The following ACVR1 variants were observed in gnomAD, a reference collection of about 807,000 sequenced individuals.
The protein encoded by ACVR1 is activin receptor type-1.
A neutral mutation model predicts 57.1 loss-of-function variants in ACVR1; 38 were observed. The observed-to-expected ratio is 0.67, with a 90% confidence interval of 0.51 to 0.87. ACVR1 has a LOEUF of 0.87. Among genes scored for constraint, ACVR1 ranks in the 40% least tolerant of loss-of-function variants. The probability of loss-of-function intolerance (pLI) is 0.00; values close to 1 mark genes in which losing one functional copy is unlikely to be tolerated. For missense variants in ACVR1, 463 were observed against 638.2 expected (o/e 0.73, Z 2.96); for synonymous variants, 212 against 228.1 (o/e 0.93, Z 0.63).
rs1684582843 is a variant in ACVR1, at chr2:157,737,604, A to ATAC, written c.1456_1457insGTA (p.Leu486delinsArgIle). ...AGTCTTTTTGATACGCAGTGCTGTG[A>ATAC]GTCTTGCGGATGGATTTTGATACCA... On this transcript the variant is annotated protein_altering_variant, in exon 11 of 11. Transcript: ENST00000434821. The ATAC allele has an allele frequency of 6.2e-7, 1 of 1,613,970 alleles. No individual in the cohort carries two copies. Among genetic ancestry groups the ATAC allele is most frequent in the South Asian group, 1.1e-5 (1 of 91,074 alleles).
intron 1 of ACVR1, among the ~76,000 whole-genome samples, chr2:157,846,532 G>T (rs1689130880): frequency 6.6e-6 from 1 of 152,152 alleles, no homozygotes; most frequent in African/African-American, 2.4e-5. Context: ...TAACTCAGAT[G>T]CTTCAGACCT....
chr2:157,780,334 A>G lies in ACVR1; in HGVS notation c.331+3T>C. ...ATCTAGAAATAGAAAAGTCCATGGGAACCTTTAGTGGGCAGCTGGGCCGTG... is the reference window on the plus strand; with the variant it reads ...ATCTAGAAATAGAAAAGTCCATGGGGACCTTTAGTGGGCAGCTGGGCCGTG... On this transcript the variant is annotated splice_donor_region_variant and intron_variant, in intron 4 of 10. Transcript: ENST00000434821. The G allele has an allele frequency of 1.2e-6, 2 of 1,614,198 alleles. No individual in the cohort carries two copies. The highest frequency in any genetic ancestry group is 1.7e-6 in the Non-Finnish European group (2 of 1,180,024).
At chr2:157,802,587 T>A (rs1687365029) in intron 2 of ACVR1, among the ~76,000 whole-genome samples, 1 of 152,166 alleles carries the variant, frequency 6.6e-6, no homozygotes, top group Admixed American at 6.5e-5. Context: ...ATGCTCCCTA[T>A]GATTGGGCCC....
At chr2:157,861,616 AACCACCATTTC>A (rs1193507465) in intron 1 of ACVR1, among the ~76,000 whole-genome samples, 2 of 152,244 alleles carry the variant, frequency 1.3e-5, no homozygotes, top group Non-Finnish European at 2.9e-5. Context: ...GTAGGAAATG[AACCACCATTTC>A]ACCTCTAAAT....
At chr2:157,853,807 T>C (rs1689409445) in intron 1 of ACVR1, among the ~76,000 whole-genome samples, 1 of 152,252 alleles carries the variant, frequency 6.6e-6, no homozygotes. Flanking sequence ...GCTGGTACTA[T>C]GCTCTTCTTA....
At chr2:157,771,887 C>A (rs76516301) in intron 6 of ACVR1, among the ~76,000 whole-genome samples, 3,684 of 152,266 alleles carry the variant, frequency 0.024, 152 homozygotes, top group African/African-American at 0.083. Context: ...AATTTGCCAG[C>A]ATTTATAGCT....
Position 157,799,479 on chromosome 2 carries a change from C to T in ACVR1, c.15G>A (p.Val5=). ...TCATGATAAGCACAGGAAGAATCAT[C>T]ACTCCATCTACCATTGTACAACTGT... MVDG[V]MILPVLIMIA... Residue 5 remains valine, a synonymous_variant, in exon 3 of 11, where the codon GTG becomes GTA. Transcript: ENST00000434821. The T allele has an allele frequency of 6.2e-7, 1 of 1,611,468 alleles. No individual in the cohort carries two copies. Among genetic ancestry groups the T allele is most frequent in the Non-Finnish European group, 8.5e-7 (1 of 1,178,118 alleles).
chr2:157,750,326 T>A (rs1488648699), intron 9 of ACVR1, among the ~76,000 whole-genome samples: 1 of 152,178 alleles, frequency 6.6e-6, no homozygotes, highest in Admixed American at 6.5e-5. Flanking sequence ...TGCATTCGAT[T>A]CCATTGGTGC....
chr2:157,800,355 C>T (rs768548448), intron 2 of ACVR1, among the ~76,000 whole-genome samples: 1 of 151,970 alleles, frequency 6.6e-6, no homozygotes, highest in Non-Finnish European at 1.5e-5. Context: ...AGGCTGGGTG[C>T]GGTGGCTCAC....
chr2:157,843,509 T>A (rs1689037817), intron 1 of ACVR1, among the ~76,000 whole-genome samples: 1 of 152,130 alleles, frequency 6.6e-6, no homozygotes, highest in South Asian at 2.1e-4. Flanking sequence ...ATTACACAGG[T>A]GATAAAACTG....
chr2:157,767,542 A>T (rs981782313), intron 7 of ACVR1, among the ~76,000 whole-genome samples: 1 of 152,200 alleles, frequency 6.6e-6, no homozygotes, highest in Non-Finnish European at 1.5e-5. Flanking sequence ...TGAGAAAAAA[A>T]ATTTTTTAAG....
chr2:157,844,200 GAGTGTCTTCC>G, intron 1 of ACVR1, among the ~76,000 whole-genome samples: 1 of 152,300 alleles, frequency 6.6e-6, no homozygotes, highest in Admixed American at 6.5e-5. Flanking sequence ...GTGCTCACAA[GAGTGTCTTCC>G]AGGTTTGTAA....
chr2:157,755,634 A>G (rs1372399084), intron 9 of ACVR1, among the ~76,000 whole-genome samples: 1 of 152,172 alleles, frequency 6.6e-6, no homozygotes, highest in African/African-American at 2.4e-5. Context: ...TACAAGGAAA[A>G]CTACAAGACA....
At chr2:157,813,620 T>G (rs1470588955) in intron 2 of ACVR1, among the ~76,000 whole-genome samples, 1 of 152,174 alleles carries the variant, frequency 6.6e-6, no homozygotes, top group East Asian at 1.9e-4. Flanking sequence ...GATATGACCA[T>G]GCAGATAATC....
intron 9 of ACVR1, among the ~76,000 whole-genome samples, chr2:157,752,184 G>A (rs1559036454): frequency 6.6e-6 from 1 of 152,150 alleles, no homozygotes; most frequent in African/African-American, 2.4e-5. Flanking sequence ...CTGTGTGGGT[G>A]GCTAGATCCA....
At chr2:157,800,404 G>A (rs905431652) in intron 2 of ACVR1, among the ~76,000 whole-genome samples, 3 of 152,132 alleles carry the variant, frequency 2.0e-5, no homozygotes, top group Admixed American at 6.6e-5. Context: ...GAGGTGGGAT[G>A]ATCACTTGAG....
At chr2:157,859,474 A>G (rs902413575) in intron 1 of ACVR1, among the ~76,000 whole-genome samples, 1 of 152,204 alleles carries the variant, frequency 6.6e-6, no homozygotes, top group Non-Finnish European at 1.5e-5. Context: ...CTTTCTTAAT[A>G]AACTTGCTTC....
chr2:157,744,938 G>A (rs1430905974), intron 9 of ACVR1, among the ~76,000 whole-genome samples: 1 of 152,208 alleles, frequency 6.6e-6, no homozygotes, highest in East Asian at 1.9e-4. Flanking sequence ...GAAAACAGGA[G>A]TTGGAAAGAC....
In ACVR1 at chr2:157,855,357, G is replaced by A. The variant is rs867407286; in HGVS notation, c.-183+20439C>T. On this transcript the variant is annotated intron_variant, in intron 1 of 10. Transcript: ENST00000434821. ...ACACACACACACACAAAAATTAGCC[G>A]GACGTGGTGGCTTTCATCTGTGGTC... Among the ~76,000 whole-genome samples, 19 of 136,410 alleles carry A rather than the reference G, an allele frequency of 1.4e-4. No homozygotes were observed. In the East Asian group the frequency reaches 2.1e-3, roughly 15 times the overall value. The allele number at this position is 136,410 out of a possible 152,430, so 89.5% of individuals were successfully genotyped here. A position where few individuals can be genotyped will look rare whatever the true frequency, so the allele number is the denominator to read the frequency against.
Sources: gnomAD v4.1 joint callset for allele counts (sites outside exome capture counted in the v4.1 genomes callset) on GRCh38, gnomAD v4.1.1 for gene constraint, MANE v1.5 for transcripts, NCBI Gene and HGNC (gene_info 2026-07-23, HGNC 2026-07-21) for gene names.